TEX11: variants seen among roughly 807,000 people sequenced by gnomAD.
The protein encoded by TEX11 is testis expressed 11.
In TEX11, 7 loss-of-function variants were observed where a neutral mutation model predicts 84.4. The observed-to-expected ratio is 0.08, with a 90% CI of 0.05 to 0.16. The LOEUF (loss-of-function observed/expected upper bound fraction) is 0.16. Among genes scored for constraint, TEX11 ranks in the 10% least tolerant of loss-of-function variants. The probability of loss-of-function intolerance (pLI) is 1.00; values close to 1 mark genes in which losing one functional copy is unlikely to be tolerated. For synonymous variants in TEX11, 264 were observed against 222.8 expected (o/e 1.18, Z -1.64); for missense variants, 551 against 660.5 (o/e 0.83, Z 1.82).
intron 2 of TEX11, among the ~76,000 whole-genome samples, chrX:70,882,312 C>T (rs997485933): frequency 9.1e-6 from 1 of 110,490 alleles, no homozygotes; most frequent in South Asian, 3.9e-4. Context: ...TATAAACTTT[C>T]GTTTGTTTGT....
At chrX:70,851,662 A>AACACACACAC (rs760585640) in intron 7 of TEX11, among the ~76,000 whole-genome samples, 1 of 37,895 alleles carries the variant, frequency 2.6e-5, no homozygotes, top group African/African-American at 1.7e-4. Context: ...GAAAATTAAA[A>AACACACACAC]ACATACACAC....
intron 9 of TEX11, among the ~76,000 whole-genome samples, chrX:70,763,399 T>C (rs2090921024): frequency 9.0e-6 from 1 of 110,591 alleles, no homozygotes; most frequent in Admixed American, 9.7e-5. Context: ...ACTATGAGGA[T>C]GCAAAAACAT....
intron 20 of TEX11, among the ~76,000 whole-genome samples, chrX:70,617,345 T>TAC (rs58582762): frequency 2.2e-5 from 1 of 44,445 alleles, no homozygotes; most frequent in Non-Finnish European, 7.6e-5. Context: ...GTGAAGGTTT[T>TAC]ATATATATAT....
intron 11 of TEX11, among the ~76,000 whole-genome samples, chrX:70,727,539 G>A (rs1377585551): frequency 8.9e-6 from 1 of 111,903 alleles, no homozygotes; most frequent in Non-Finnish European, 1.9e-5. Context: ...TGAATTTTGT[G>A]CAGTAATTCC....
intron 2 of TEX11, among the ~76,000 whole-genome samples, chrX:70,884,233 C>A (rs2091697085): frequency 8.9e-6 from 1 of 111,911 alleles, no homozygotes; most frequent in African/African-American, 3.2e-5. Flanking sequence ...GGCCTTTTTG[C>A]TGGATAAAGT....
intron 25 of TEX11, among the ~76,000 whole-genome samples, chrX:70,582,290 A>G (rs761042255): frequency 8.9e-6 from 1 of 111,864 alleles, no homozygotes; most frequent in East Asian, 2.8e-4. Context: ...TTATAATAAA[A>G]ATAGTTTTGA....
At chrX:70,881,320 G>C (rs1270043396) in intron 2 of TEX11, among the ~76,000 whole-genome samples, 8 of 98,752 alleles carry the variant, frequency 8.1e-5, no homozygotes, top group African/African-American at 2.8e-4. Flanking sequence ...GAGCAAGACT[G>C]TGTCTCAAAA....
At chrX:70,872,530 C>A (rs1302957684) in intron 4 of TEX11, among the ~76,000 whole-genome samples, 4 of 112,413 alleles carry the variant, frequency 3.6e-5, no homozygotes, top group Admixed American at 2.8e-4. Context: ...TGGCAATATA[C>A]TTCCCATAAA....
At chrX:70,852,467 G>C (rs1374641009) in intron 7 of TEX11, among the ~76,000 whole-genome samples, 1 of 112,228 alleles carries the variant, frequency 8.9e-6, no homozygotes, top group Non-Finnish European at 1.9e-5. Context: ...TGGGATTACA[G>C]GCACGAGCCA....
chrX:70,751,292 A>G (rs1324335690), intron 9 of TEX11, among the ~76,000 whole-genome samples: 1 of 107,974 alleles, frequency 9.3e-6, no homozygotes, highest in Admixed American at 1.0e-4. Flanking sequence ...ACCATGGAAT[A>G]CTATGCAACC....
chrX:70,671,236 T>C (rs1179112082), intron 15 of TEX11, among the ~76,000 whole-genome samples: 1 of 111,670 alleles, frequency 9.0e-6, no homozygotes, highest in African/African-American at 3.2e-5. Context: ...TGGATAATTA[T>C]TTCTTAATCT....
intron 13 of TEX11, among the ~76,000 whole-genome samples, chrX:70,716,628 T>G (rs1376113058): frequency 8.9e-6 from 1 of 112,600 alleles, no homozygotes. Flanking sequence ...CATTTGCTAA[T>G]ACCATTGGAA....
intron 25 of TEX11, among the ~76,000 whole-genome samples, chrX:70,561,226 G>A (rs1280386085): frequency 2.8e-5 from 3 of 108,425 alleles, no homozygotes; most frequent in Admixed American, 1.0e-4. Context: ...TCAGTGCAGA[G>A]GTCTTATACA....
At chrX:70,875,543 A>G (rs775806919) in intron 3 of TEX11, among the ~76,000 whole-genome samples, 6 of 105,668 alleles carry the variant, frequency 5.7e-5, no homozygotes, top group African/African-American at 2.1e-4. Flanking sequence ...GTTCGAGACC[A>G]GCCTGGCCAA....
At chrX:70,704,115 GTCTCTC>G (rs112493809) in intron 13 of TEX11, among the ~76,000 whole-genome samples, 3 of 103,636 alleles carry the variant, frequency 2.9e-5, no homozygotes, top group Non-Finnish European at 6.0e-5. Context: ...CTCTGTCTCT[GTCTCTC>G]TCTCTCTCTC....
Position 70,554,675 on chromosome X carries a change from T to A in TEX11, c.2266A>T (p.Thr756Ser). Residue 756 changes from threonine to serine, a missense_variant, in exon 26 of 30, where the codon ACT becomes TCT. Thr to Ser is a moderately conservative substitution (Grantham distance 58, BLOSUM62 1). Coordinates refer to ENST00000374333, the MANE Select transcript of TEX11 (RefSeq NM_031276.3). The part of the protein sequence containing the change: ...ESVWELPHLE[T>S]KTFETIAIIA... ...CTTGCAATTGTTTCAAAAGTTTTAGTTTCTAAATGAGGCAACTCCCACACT... is the reference window on the plus strand; with the variant it reads ...CTTGCAATTGTTTCAAAAGTTTTAGATTCTAAATGAGGCAACTCCCACACT... The A allele has an allele frequency of 8.3e-7, 1 of 1,200,841 alleles. No individual in the cohort carries two copies. The highest frequency in any genetic ancestry group is 1.1e-6 in the Non-Finnish European group (1 of 891,341).
At chrX:70,566,952 C>T (rs1212265460) in intron 25 of TEX11, among the ~76,000 whole-genome samples, 5 of 111,514 alleles carry the variant, frequency 4.5e-5, no homozygotes, top group East Asian at 2.8e-4. Flanking sequence ...TCTTTTTCTA[C>T]TGATTGGAAT....
intron 9 of TEX11, among the ~76,000 whole-genome samples, chrX:70,759,872 C>G (rs889171726): frequency 8.9e-6 from 1 of 111,794 alleles, no homozygotes; most frequent in Non-Finnish European, 1.9e-5. Flanking sequence ...ACCCCATCCT[C>G]TCAGCCCTAA....
At chrX:70,857,073 G>C (rs1276930821) in intron 5 of TEX11, 3 of 111,234 alleles carry the variant, frequency 2.7e-5, no homozygotes, top group African/African-American at 9.8e-5. Flanking sequence ...TGGGGGACGT[G>C]GGGAAGCACT....
Sources: gnomAD v4.1 joint callset for allele counts (sites outside exome capture counted in the v4.1 genomes callset) on GRCh38, gnomAD v4.1.1 for gene constraint, MANE v1.5 for transcripts, NCBI Gene and HGNC (gene_info 2026-07-23, HGNC 2026-07-21) for gene names.